Variants in ZRANB1 observed in about 807,000 individuals in gnomAD.
ZRANB1 encodes zinc finger RANBP2-type containing 1, also known as ubiquitin thioesterase ZRANB1.
In ZRANB1, 16 loss-of-function variants were observed where a neutral mutation model predicts 80.5. The observed-to-expected ratio is 0.20, with a 90% CI of 0.13 to 0.30. ZRANB1 has a LOEUF of 0.30. Ranked by LOEUF, ZRANB1 falls within the 10% of genes least tolerant of loss-of-function variation. The pLI is 1.00. For missense variants in ZRANB1, 576 were observed against 862.6 expected (o/e 0.67, Z 4.16); for synonymous variants, 291 against 293.1 (o/e 0.99, Z 0.07).
chr10:124,963,816 T>G (rs1951756520), intron 1 of ZRANB1, among the ~76,000 whole-genome samples: 2 of 152,192 alleles, frequency 1.3e-5, no homozygotes, highest in Non-Finnish European at 2.9e-5. Flanking sequence ...TGATTTGTAA[T>G]TTACTAATCT....
the ZRANB1 span, among the ~76,000 whole-genome samples, chr10:124,923,817 A>G: frequency 6.6e-6 from 1 of 151,750 alleles, no homozygotes; most frequent in Non-Finnish European, 1.5e-5. Context: ...CGCCCCCATG[A>G]TCCGGTCACT....
In ZRANB1 at chr10:124,942,230, A is replaced by C; in HGVS notation, c.-264A>C. 1 of 1,280,468 alleles carries C rather than the reference A, an allele frequency of 7.8e-7. No homozygotes were observed. The allele number at this position is 1,280,468 out of a possible 1,614,324, so 79.3% of individuals were successfully genotyped here. A position where few individuals can be genotyped will look rare whatever the true frequency, so the allele number is the denominator to read the frequency against. On this transcript the variant is annotated 5_prime_UTR_variant, in exon 1 of 9. Transcript: ENST00000359653. ...TCCTGCCTATCTCTTTTGCATTCCA[A>C]AGTTCAGTTTTATTAAATCCCAGGG...
chr10:124,973,338 A>G (rs907434297), intron 3 of ZRANB1, among the ~76,000 whole-genome samples: 1 of 151,898 alleles, frequency 6.6e-6, no homozygotes, highest in Non-Finnish European at 1.5e-5. Flanking sequence ...TATTTTTTGT[A>G]TAGAGACAGG....
At chr10:124,960,709 C>T (rs1458318608) in intron 1 of ZRANB1, among the ~76,000 whole-genome samples, 1 of 152,180 alleles carries the variant, frequency 6.6e-6, no homozygotes, top group Non-Finnish European at 1.5e-5. Context: ...GTGTGAACCA[C>T]TGCACCCAGC....
chr10:124,954,895 C>T (rs1020259791), intron 1 of ZRANB1, among the ~76,000 whole-genome samples: 6 of 150,832 alleles, frequency 4.0e-5, no homozygotes, highest in East Asian at 2.0e-4. Flanking sequence ...TTTGGGAGGC[C>T]GAGGTGGGCA....
Position 124,985,578 on chromosome 10 carries a change from A to C in ZRANB1, c.*586A>C, listed in dbSNP as rs1055278037. ...TCTTTTAGGAACAAACTGCAAGAAA[A>C]GCTAAGAATGTTTTAGAGTGAACTA... is the stretch of plus-strand genomic sequence containing the variant. On this transcript the variant is annotated 3_prime_UTR_variant, in exon 9 of 9. Transcript: ENST00000359653. 2 of 152,716 alleles carry C rather than the reference A, an allele frequency of 1.3e-5. No individual in the cohort carries two copies. Among genetic ancestry groups the C allele is most frequent in the African/African-American group, 2.4e-5 (1 of 41,470 alleles). The allele number at this position is 152,716 out of a possible 1,614,324, so 9.5% of individuals were successfully genotyped here.
intron 1 of ZRANB1, among the ~76,000 whole-genome samples, chr10:124,944,500 C>T (rs1370247662): frequency 1.6e-4 from 18 of 113,764 alleles, no homozygotes; most frequent in African/African-American, 4.1e-4. Context: ...CCCCCCCCCG[C>T]CCCAAGATGG....
the ZRANB1 span, among the ~76,000 whole-genome samples, chr10:124,935,190 T>C: frequency 6.6e-6 from 1 of 152,252 alleles, no homozygotes; most frequent in South Asian, 2.1e-4. Flanking sequence ...GCTTGCTGTG[T>C]AATATTCTAG....
At chr10:124,970,619 T>G (rs746127281) in intron 2 of ZRANB1, among the ~76,000 whole-genome samples, 15 of 152,168 alleles carry the variant, frequency 9.9e-5, no homozygotes, top group Non-Finnish European at 1.6e-4. Context: ...TTTTGAAATA[T>G]TATTTCTTTA....
In ZRANB1 at chr10:124,969,916, T is replaced by C. The variant is rs147557944; in HGVS notation, c.1003-2049T>C. ...GGCACATCCTGCTTAAGGATGGTGG[T>C]GGAAGGGGTTGTTTGGGGGCTAAGT... On this transcript the variant is annotated intron_variant, in intron 2 of 8. Coordinates refer to ENST00000359653, the MANE Select transcript of ZRANB1 (RefSeq NM_017580.3). Among the ~76,000 whole-genome samples, 629 of 152,062 alleles carry C rather than the reference T, an allele frequency of 4.1e-3. 5 individuals are homozygous for C. Among genetic ancestry groups the C allele is most frequent in the African/African-American group, 0.015 (604 of 41,474 alleles).
chr10:124,960,582 C>T (rs1192245341), intron 1 of ZRANB1, among the ~76,000 whole-genome samples: 1 of 152,064 alleles, frequency 6.6e-6, no homozygotes, highest in East Asian at 1.9e-4. Context: ...CTATGCCTGA[C>T]TAATTTTAAA....
upstream of ZRANB1, among the ~76,000 whole-genome samples, chr10:124,939,915 T>C (rs983757341): frequency 6.6e-6 from 1 of 152,190 alleles, no homozygotes; most frequent in Non-Finnish European, 1.5e-5. Flanking sequence ...TAAGTAATCA[T>C]TATACAAACT....
intron 2 of ZRANB1, among the ~76,000 whole-genome samples, chr10:124,968,463 C>G (rs2134285142): frequency 6.6e-6 from 1 of 152,152 alleles, no homozygotes; most frequent in South Asian, 2.1e-4. Context: ...GCTTGAGAGA[C>G]TGAAGGCCAT....
chr10:124,966,729 A>G lies in ZRANB1; in HGVS notation c.950A>G (p.His317Arg). Residue 317 changes from histidine to arginine, a missense_variant, in exon 2 of 9, where the codon CAC (histidine) becomes CGC (arginine). This residue lies in a region of ZRANB1 where 411 missense variants were observed against 583.1 expected (regional missense o/e 0.70). Transcript: ENST00000359653. ...TTTGATGTTGGCTATACTCTTGTAC[A>G]CTTGGCTATACGTTTTCAGAGGCAG... ...SAFDVGYTLV[H>R]LAIRFQRQDM... is the part of the protein sequence containing the mutation. 6.2e-7 allele frequency: 1 copy of G among 1,614,108 alleles called. No homozygotes were observed. The highest frequency in any genetic ancestry group is 8.5e-7 in the Non-Finnish European group (1 of 1,179,990).
rs1039042139 is a variant in ZRANB1 at position 124,986,843 on chromosome 10, G to A, written c.*1851G>A. 4.6e-5 allele frequency: 7 copies of A among 152,206 alleles called. No individual in the cohort carries two copies. The highest frequency in any genetic ancestry group is 8.8e-5 in the Non-Finnish European group (6 of 68,052). The allele number at this position is 152,206 out of a possible 1,614,324, so 9.4% of individuals were successfully genotyped here. A position where few individuals can be genotyped will look rare whatever the true frequency, so the allele number is the denominator to read the frequency against. The stretch of plus-strand genomic sequence containing the variant: ...TTGAAAAAGCCAAAGAGAATTGTTA[G>A]AGGGAAAAGCATGTAGCCATTGCAG... On this transcript the variant is annotated 3_prime_UTR_variant, in exon 9 of 9. Transcript: ENST00000359653.
chr10:124,925,017 C>T, the ZRANB1 span, among the ~76,000 whole-genome samples: 5 of 151,982 alleles, frequency 3.3e-5, no homozygotes, highest in Non-Finnish European at 5.9e-5. Context: ...AGGCGATTCT[C>T]ATGTCTCAGC....
chr10:124,960,725 A>G (rs1589847316), intron 1 of ZRANB1, among the ~76,000 whole-genome samples: 1 of 151,890 alleles, frequency 6.6e-6, no homozygotes, highest in Admixed American at 6.6e-5. Context: ...CCAGCCTCCC[A>G]TTTCCACTTT....
chr10:124,931,554 A>G, the ZRANB1 span, among the ~76,000 whole-genome samples: 3 of 152,018 alleles, frequency 2.0e-5, no homozygotes, highest in Admixed American at 6.6e-5. Flanking sequence ...TATTTTTGGT[A>G]GAGACAAGGT....
At chr10:124,970,982 T>C (rs1248602530) in intron 2 of ZRANB1, among the ~76,000 whole-genome samples, 1 of 151,932 alleles carries the variant, frequency 6.6e-6, no homozygotes, top group Non-Finnish European at 1.5e-5. Flanking sequence ...AGACTACAGC[T>C]AATTTTTGTA....
Sources: allele counts gnomAD v4.1 joint callset (sites outside exome capture counted in the v4.1 genomes callset), GRCh38; gene constraint gnomAD v4.1.1; regional missense constraint gnomAD v4.1.1; transcripts MANE v1.5; gene names NCBI Gene and HGNC (gene_info 2026-07-23, HGNC 2026-07-21).